DNAH17: variants seen among roughly 807,000 people sequenced by gnomAD.
DNAH17 encodes the protein axonemal beta dynein heavy chain 17.
In DNAH17, 376 loss-of-function variants were observed where a neutral mutation model predicts 485.6. That is an observed-to-expected ratio of 0.77 (90% confidence interval 0.71 to 0.84). DNAH17 has a LOEUF of 0.84. Ranked by LOEUF, DNAH17 falls within the 40% of genes least tolerant of loss-of-function variation. DNAH17 has a pLI of 0.00. For missense variants in DNAH17, 6,370 were observed against 5,839.3 expected (o/e 1.09, Z -2.96); for synonymous variants, 3,031 against 2,405.9 (o/e 1.26, Z -7.60).
intron 66 of DNAH17, 88 bp downstream of exon 66, chr17:78,451,381 C>T (rs1004158164): frequency 3.9e-6 from 5 of 1,273,182 alleles, no homozygotes; most frequent in Non-Finnish European, 5.4e-6. Flanking sequence ...ACTGGACTGG[C>T]AGCCCTGGTC....
chr17:78,504,737 G>C (rs901627332), intron 31 of DNAH17, among the ~76,000 whole-genome samples: 3 of 152,136 alleles, frequency 2.0e-5, no homozygotes, highest in African/African-American at 7.2e-5. Context: ...GCGCTTGCTG[G>C]GGAAGGAAGA....
At chr17:78,447,262 G>A (rs895750985) in intron 69 of DNAH17, among the ~76,000 whole-genome samples, 11 of 152,324 alleles carry the variant, frequency 7.2e-5, no homozygotes, top group Non-Finnish European at 1.5e-4. Context: ...TAATGCTGTT[G>A]TGAATGCTGA....
At chr17:78,435,885 G>A (rs554570761) in intron 74 of DNAH17, among the ~76,000 whole-genome samples, 1 of 152,320 alleles carries the variant, frequency 6.6e-6, no homozygotes, top group African/African-American at 2.4e-5. Flanking sequence ...GGCCAAGGCA[G>A]GAGGCGTGTG....
intron 44 of DNAH17, among the ~76,000 whole-genome samples, chr17:78,486,865 T>TG (rs756518182): frequency 8.6e-5 from 13 of 151,310 alleles, no homozygotes; most frequent in Non-Finnish European, 1.6e-4. Context: ...TGATGTCATG[T>TG]GGGGGGCACG....
chr17:78,441,424 G>A (rs2087072091), intron 71 of DNAH17, among the ~76,000 whole-genome samples: 1 of 152,136 alleles, frequency 6.6e-6, no homozygotes, highest in Non-Finnish European at 1.5e-5. Flanking sequence ...GCCCCGCACT[G>A]TGCTCCTCCT....
chr17:78,570,458 C>G, intron 6 of DNAH17, 86 bp from the exon 7 acceptor site: 1 of 1,485,414 alleles, frequency 6.7e-7, no homozygotes, highest in Non-Finnish European at 9.0e-7. Flanking sequence ...TCCCATGGCT[C>G]TCACTGGGTA....
chr17:78,547,012 TATCA>T (rs1035645625), intron 16 of DNAH17, among the ~76,000 whole-genome samples: 27 of 152,338 alleles, frequency 1.8e-4, no homozygotes, highest in Admixed American at 7.2e-4. Context: ...AACTACCAAT[TATCA>T]ATCATGTTTA....
At chr17:78,514,233 G>A (rs116042696) in intron 26 of DNAH17, among the ~76,000 whole-genome samples, 7,630 of 152,206 alleles carry the variant, frequency 0.05, 256 homozygotes, top group South Asian at 0.099. Flanking sequence ...ATTGGCTGGC[G>A]CAGTGGCTCA....
At chr17:78,548,857 G>GGA (rs1050980238) in intron 16 of DNAH17, among the ~76,000 whole-genome samples, 3 of 152,362 alleles carry the variant, frequency 2.0e-5, no homozygotes, top group Middle Eastern at 3.4e-3. Context: ...CATGTGCCTG[G>GGA]GAGCCAGTGT....
intron 54 of DNAH17, among the ~76,000 whole-genome samples, chr17:78,471,887 G>A (rs1047975936): frequency 8.5e-5 from 13 of 152,140 alleles, no homozygotes; most frequent in African/African-American, 2.7e-4. Context: ...CCAGCCCCAT[G>A]TGTCCCGCTG....
intron 17 of DNAH17, among the ~76,000 whole-genome samples, chr17:78,542,611 G>C (rs548389304): frequency 1.3e-5 from 2 of 152,274 alleles, no homozygotes; most frequent in East Asian, 3.9e-4. Flanking sequence ...TCCAGACAAA[G>C]CACCCAGGAA....
In DNAH17 at chr17:78,453,225, C is replaced by T. The variant is rs569321734; in HGVS notation, c.10529+118G>A. ...CACCAGCAGGCACTTTGTCAAAGCC[C>T]TTGCTGCTTACCAGGGAAGCAAAGG... On this transcript the variant is annotated intron_variant, in intron 65 of 80. Transcript: ENST00000389840. The T allele has an allele frequency of 8.5e-6, 12 of 1,411,322 alleles. No homozygotes were observed. The African/African-American group carries it at 1.7e-4, about 20-fold the overall frequency. 87.4% of individuals were successfully genotyped at this position (1,411,322 alleles called of 1,614,324 possible).
At chr17:78,438,931 C>G in intron 73 of DNAH17, 159 bp downstream of exon 73, 26 of 1,126,918 alleles carry the variant, frequency 2.3e-5, no homozygotes, top group Non-Finnish European at 3.0e-5. Flanking sequence ...CCAGCAGAGC[C>G]GACACTGGGG....
Position 78,529,664 on chromosome 17 carries a change from G to A in DNAH17, c.3315C>T (p.Val1105=), listed in dbSNP as rs883022. ...SLADLEAFMK[V]ARMGLTKPLK... is the part of the protein sequence containing the mutation. ...GGGGCTTGGTCAAGCCCATTCTGGC[G>A]ACTTTCATGAAGGCTTCCAGGTCAG... The change falls in exon 22 of 81, where the codon GTC becomes GTT. Residue 1105 remains valine (V), a synonymous_variant. Transcript: ENST00000389840. The A allele has an allele frequency of 1.2e-5, 19 of 1,613,810 alleles. No homozygotes were observed. The East Asian group carries it at 2.0e-4, about 17-fold the overall frequency.
At chr17:78,547,078 T>G (rs546500814) in intron 16 of DNAH17, among the ~76,000 whole-genome samples, 2 of 152,260 alleles carry the variant, frequency 1.3e-5, no homozygotes, top group African/African-American at 2.4e-5. Flanking sequence ...GTATTGCTTT[T>G]GACTTTGGAA....
chr17:78,520,707 G>T (rs868141494), intron 25 of DNAH17, among the ~76,000 whole-genome samples: 9 of 145,042 alleles, frequency 6.2e-5, no homozygotes, highest in African/African-American at 2.0e-4. Flanking sequence ...ATAACAAAAT[G>T]AAATCACAAA....
chr17:78,502,920 G>C lies in DNAH17; in HGVS notation c.5048C>G (p.Pro1683Arg), dbSNP rs748183700. 6.2e-7 allele frequency: 1 copy of C among 1,613,950 alleles called. No individual in the cohort carries two copies. Among genetic ancestry groups the C allele is most frequent in the South Asian group, 1.1e-5 (1 of 91,076 alleles). ...PEAVVTYEEK[P>R]REQWILDYPA... ...GTAGTCCAGGATCCACTGCTCCCTC[G>C]GCTTCTCTTCGTAGGTCACCACGGC... The change falls in exon 32 of 81, where the codon CCG (proline) becomes CGG (arginine). Residue 1683 changes from proline (P) to arginine (R), a missense_variant. By Grantham distance (103) the Pro-to-Arg change is moderately radical. Coordinates refer to ENST00000389840, the MANE Select transcript of DNAH17 (RefSeq NM_173628.4).
In DNAH17 at chr17:78,463,974, G is replaced by T. The variant is rs111398373; in HGVS notation, c.8941-897C>A. 5.9e-5 allele frequency among the ~76,000 whole-genome samples: 9 copies of T among 152,316 alleles called. 1 individual carries two copies. The highest frequency in any genetic ancestry group is 2.2e-4 in the African/African-American group (9 of 41,568). On this transcript the variant is annotated intron_variant, in intron 56 of 80. Transcript: ENST00000389840. Reference sequence around the variant, plus strand: ...ATGCTCCAAGGGACACCTTTGAACTGCAGAGTTCCTGGGAGTGGCCAGTCT... The same window carrying T: ...ATGCTCCAAGGGACACCTTTGAACTTCAGAGTTCCTGGGAGTGGCCAGTCT...
At chr17:78,545,909 A>G (rs541705356) in intron 16 of DNAH17, among the ~76,000 whole-genome samples, 1 of 152,156 alleles carries the variant, frequency 6.6e-6, no homozygotes, top group East Asian at 1.9e-4. Flanking sequence ...TTGCTGATTA[A>G]TATTTTATGT....
Sources: gnomAD v4.1 joint callset for allele counts (sites outside exome capture counted in the v4.1 genomes callset) on GRCh38, gnomAD v4.1.1 for gene constraint, MANE v1.5 for transcripts, NCBI Gene and HGNC (gene_info 2026-07-23, HGNC 2026-07-21) for gene names.